CACNA2D3: variants seen among roughly 807,000 people sequenced by gnomAD.
The protein encoded by CACNA2D3 is calcium voltage-gated channel auxiliary subunit alpha2delta 3, also known as voltage-dependent calcium channel subunit alpha-2/delta-3.
CACNA2D3 carries 60 observed loss-of-function variants against 160.6 expected under a neutral mutation model. That is an observed-to-expected ratio of 0.37 (90% CI 0.30 to 0.46). CACNA2D3 has a LOEUF of 0.46. CACNA2D3 is among the 20% of genes least tolerant of loss of function. The pLI is 1.00. For synonymous variants in CACNA2D3, 558 were observed against 492.9 expected (o/e 1.13, Z -1.75); for missense variants, 1,205 against 1,365.0 (o/e 0.88, Z 1.85).
At chr3:54,998,832 C>A (rs1192671479) in intron 31 of CACNA2D3, among the ~76,000 whole-genome samples, 1 of 152,060 alleles carries the variant, frequency 6.6e-6, no homozygotes, top group African/African-American at 2.4e-5. Context: ...CTGAAAGCTC[C>A]GTCTCCAGGG....
rs1253808917 is a variant in CACNA2D3 at position 54,736,107 on chromosome 3, A to ATATATG, written c.1168-16491_1168-16490insATATGT. Among the ~76,000 whole-genome samples, 16 of 21,314 alleles carry ATATATG rather than the reference A, an allele frequency of 7.5e-4. 3 individuals carry two copies. Among genetic ancestry groups the ATATATG allele is most frequent in the East Asian group, 5.6e-3 (8 of 1,416 alleles). 14.0% of individuals were successfully genotyped at this position (21,314 alleles called of 152,430 possible). A position where few individuals can be genotyped will look rare whatever the true frequency, so the allele number is the denominator to read the frequency against. ...TGTATGTGTATATATATACATATATATGTATATATATACATATATATATGT... is the reference window on the plus strand; with the variant it reads ...TGTATGTGTATATATATACATATATATATATGTGTATATATATACATATATATATGT... On this transcript the variant is annotated intron_variant, in intron 11 of 37. Coordinates refer to ENST00000474759, the MANE Select transcript of CACNA2D3 (RefSeq NM_018398.3).
chr3:54,387,649 C>T (rs1434763474), intron 4 of CACNA2D3, among the ~76,000 whole-genome samples: 1 of 138,870 alleles, frequency 7.2e-6, no homozygotes, highest in Non-Finnish European at 1.5e-5. Flanking sequence ...GAGAGTCTGT[C>T]TCAAATAAAT....
intron 2 of CACNA2D3, among the ~76,000 whole-genome samples, chr3:54,146,824 A>G (rs1700039369): frequency 6.6e-6 from 1 of 152,326 alleles, no homozygotes; most frequent in East Asian, 1.9e-4. Context: ...ACACTTTGTC[A>G]CAGGGTGGCA....
chr3:54,564,450 T>G (rs1340972718), intron 6 of CACNA2D3, among the ~76,000 whole-genome samples: 1 of 152,202 alleles, frequency 6.6e-6, no homozygotes, highest in African/African-American at 2.4e-5. Context: ...TGGGCCGCAG[T>G]CCACCAAGGT....
At chr3:54,753,330 A>G (rs777237571) in intron 12 of CACNA2D3, among the ~76,000 whole-genome samples, 1 of 152,152 alleles carries the variant, frequency 6.6e-6, no homozygotes, top group East Asian at 1.9e-4. Flanking sequence ...GGGCTTCAAG[A>G]CTGGTTCTGG....
chr3:54,643,906 T>G (rs539555547), intron 11 of CACNA2D3, among the ~76,000 whole-genome samples: 219 of 152,286 alleles, frequency 1.4e-3, no homozygotes, highest in African/African-American at 5.0e-3. Context: ...TCATGACATC[T>G]CAAATGATGG....
At chr3:54,678,759 C>A (rs2099019) in intron 11 of CACNA2D3, among the ~76,000 whole-genome samples, 19,881 of 115,986 alleles carry the variant, frequency 0.17, 1,676 homozygotes, top group South Asian at 0.34. Flanking sequence ...AGTTGATGAT[C>A]AAGTTAATTA....
chr3:54,313,258 G>A (rs1703780635), intron 2 of CACNA2D3, among the ~76,000 whole-genome samples: 1 of 152,018 alleles, frequency 6.6e-6, no homozygotes, highest in Non-Finnish European at 1.5e-5. Context: ...GCTGTGTCTG[G>A]CCCCTAGAAC....
At chr3:54,646,184 C>CTCCCTCCTTGCTTCCTTCCTTCCT (rs1699642449) in intron 11 of CACNA2D3, among the ~76,000 whole-genome samples, 1 of 14,884 alleles carries the variant, frequency 6.7e-5, no homozygotes, top group African/African-American at 2.1e-4. Flanking sequence ...CCCTCCCTCC[C>CTCCCTCCTTGCTTCCTTCCTTCCT]TCCTTCCTTG....
intron 2 of CACNA2D3, among the ~76,000 whole-genome samples, chr3:54,307,490 A>T (rs1284527991): frequency 6.6e-6 from 1 of 152,164 alleles, no homozygotes; most frequent in East Asian, 1.9e-4. Flanking sequence ...TATTGGCAGT[A>T]GGGAATTATA....
intron 27 of CACNA2D3, among the ~76,000 whole-genome samples, chr3:54,934,813 C>T (rs1701288818): frequency 6.6e-6 from 1 of 152,144 alleles, no homozygotes; most frequent in African/African-American, 2.4e-5. Flanking sequence ...CTCACTGCAA[C>T]TTCCATCTCC....
chr3:54,567,936 G>C (rs1520569), intron 6 of CACNA2D3, among the ~76,000 whole-genome samples: 25,257 of 152,218 alleles, frequency 0.17, 2,255 homozygotes, highest in Middle Eastern at 0.24. Flanking sequence ...CTGAAGTGGA[G>C]AGAAAAGGAG....
intron 21 of CACNA2D3, 91 bp from the exon 22 acceptor site, chr3:54,885,190 C>T: frequency 7.3e-7 from 1 of 1,374,208 alleles, no homozygotes; most frequent in South Asian, 1.2e-5. Flanking sequence ...ACCCTTAACC[C>T]ACCCCGCAGC....
At chr3:54,926,572 T>G (rs1701028157) in intron 27 of CACNA2D3, among the ~76,000 whole-genome samples, 1 of 150,822 alleles carries the variant, frequency 6.6e-6, no homozygotes, top group Non-Finnish European at 1.5e-5. Context: ...ACATAACACT[T>G]TTTAAAAATC....
At chr3:54,919,885 C>G (rs1700785343) in intron 27 of CACNA2D3, among the ~76,000 whole-genome samples, 1 of 152,204 alleles carries the variant, frequency 6.6e-6, no homozygotes. Context: ...CATGCTCAGT[C>G]CAAGTTTTTT....
chr3:54,489,966 G>A (rs537200805), intron 4 of CACNA2D3, among the ~76,000 whole-genome samples: 1 of 152,136 alleles, frequency 6.6e-6, no homozygotes, highest in Non-Finnish European at 1.5e-5. Context: ...GTAACCAGAC[G>A]GCACTAAACC....
intron 9 of CACNA2D3, among the ~76,000 whole-genome samples, chr3:54,604,608 G>A (rs1362199032): frequency 6.6e-6 from 1 of 152,074 alleles, no homozygotes; most frequent in African/African-American, 2.4e-5. Flanking sequence ...TAGCTAGCAA[G>A]TCCTGTCACC....
chr3:54,555,814 C>A (rs1702233981), intron 5 of CACNA2D3, among the ~76,000 whole-genome samples: 1 of 152,126 alleles, frequency 6.6e-6, no homozygotes, highest in African/African-American at 2.4e-5. Flanking sequence ...ACCATGCTAT[C>A]CTGGAATTCA....
chr3:54,569,649 G>T (rs974907142), intron 6 of CACNA2D3, 146 bp from the exon 7 acceptor site: 1 of 666,660 alleles, frequency 1.5e-6, no homozygotes, highest in East Asian at 2.7e-5. Flanking sequence ...TGGATTTGGC[G>T]ATGGAGCATG....
Sources: allele counts gnomAD v4.1 joint callset (sites outside exome capture counted in the v4.1 genomes callset), GRCh38; gene constraint gnomAD v4.1.1; transcripts MANE v1.5; gene names NCBI Gene and HGNC (gene_info 2026-07-23, HGNC 2026-07-21).